Variants in GPM6A observed in about 807,000 individuals in gnomAD.
The protein encoded by GPM6A is glycoprotein M6A, also known as neuronal membrane glycoprotein M6-a.
In GPM6A, 7 loss-of-function variants were observed where a neutral mutation model predicts 32.1. The observed-to-expected ratio is 0.22, with a 90% CI of 0.12 to 0.41. GPM6A has a LOEUF of 0.41. GPM6A is among the 10% of genes least tolerant of loss of function. GPM6A has a pLI of 1.00. For synonymous variants in GPM6A, 130 were observed against 123.4 expected (o/e 1.05, Z -0.35); for missense variants, 235 against 347.2 (o/e 0.68, Z 2.57).
intron 3 of GPM6A, among the ~76,000 whole-genome samples, chr4:175,658,487 T>C (rs554039608): frequency 6.6e-6 from 1 of 152,264 alleles, no homozygotes; most frequent in African/African-American, 2.4e-5. Context: ...TGTATGAAAG[T>C]ATAATGGTGG....
At chr4:175,808,094 G>A (rs957083238) in intron 1 of GPM6A, among the ~76,000 whole-genome samples, 1 of 151,922 alleles carries the variant, frequency 6.6e-6, no homozygotes, top group African/African-American at 2.4e-5. Context: ...TCTTTTTTTC[G>A]TTGATTATAG....
rs140884991 is a variant in GPM6A, at chr4:175,722,081, G to A, written c.38-20314C>T. On this transcript the variant is annotated intron_variant, in intron 1 of 6. Transcript: ENST00000393658. Reference sequence around the variant, plus strand: ...GCAGGAGAATTGCTTGAGTCCAGGAGTTTGAGACCAGCCCGGGCAACAAAA... The same window carrying A: ...GCAGGAGAATTGCTTGAGTCCAGGAATTTGAGACCAGCCCGGGCAACAAAA... Among the ~76,000 whole-genome samples the A allele has an allele frequency of 3.9e-5, 6 of 152,220 alleles. No homozygotes were observed. The East Asian group carries it at 1.2e-3, about 29-fold the overall frequency.
At chr4:175,795,710 C>A (rs1045104700) in intron 1 of GPM6A, 3 of 152,194 alleles carry the variant, frequency 2.0e-5, no homozygotes, top group Non-Finnish European at 4.4e-5. Flanking sequence ...ATAATCATTA[C>A]TTTACTCCAG....
At chr4:175,694,227 C>T (rs747599376) in intron 2 of GPM6A, among the ~76,000 whole-genome samples, 22 of 152,124 alleles carry the variant, frequency 1.4e-4, no homozygotes, top group Non-Finnish European at 2.8e-4. Flanking sequence ...AAGAGTGGGG[C>T]ATTGCTATAA....
intron 1 of GPM6A, among the ~76,000 whole-genome samples, chr4:175,993,833 CAG>C (rs1177258327): frequency 6.6e-6 from 1 of 152,098 alleles, no homozygotes; most frequent in African/African-American, 2.4e-5. Flanking sequence ...ATACCAGACA[CAG>C]AGAGACATAA....
chr4:175,689,316 T>C (rs1241091137), intron 2 of GPM6A, among the ~76,000 whole-genome samples: 1 of 152,220 alleles, frequency 6.6e-6, no homozygotes. Flanking sequence ...ATTTTAACAA[T>C]ATTAAGTTTT....
At chr4:175,849,112 T>A (rs1440435048) in intron 1 of GPM6A, among the ~76,000 whole-genome samples, 1 of 152,194 alleles carries the variant, frequency 6.6e-6, no homozygotes, top group Non-Finnish European at 1.5e-5. Context: ...TAAAAATGTT[T>A]CTTATCCAGA....
At chr4:175,723,773 C>A (rs1450874497) in intron 1 of GPM6A, among the ~76,000 whole-genome samples, 2 of 152,036 alleles carry the variant, frequency 1.3e-5, no homozygotes, top group Non-Finnish European at 2.9e-5. Context: ...TTTTACCAGA[C>A]AAATAAAAGA....
At chr4:175,767,611 C>A (rs1733024243) in intron 1 of GPM6A, among the ~76,000 whole-genome samples, 1 of 152,224 alleles carries the variant, frequency 6.6e-6, no homozygotes, top group African/African-American at 2.4e-5. Flanking sequence ...AGTAACTACA[C>A]ACCAATTGTG....
At chr4:175,818,333 T>C (rs1407684707) in intron 1 of GPM6A, among the ~76,000 whole-genome samples, 1 of 152,222 alleles carries the variant, frequency 6.6e-6, no homozygotes, top group Non-Finnish European at 1.5e-5. Flanking sequence ...TGGAAAGTGT[T>C]ATCCTCAGGC....
At chr4:175,865,540 T>C (rs1314173930) in intron 1 of GPM6A, among the ~76,000 whole-genome samples, 2 of 152,222 alleles carry the variant, frequency 1.3e-5, no homozygotes, top group Non-Finnish European at 2.9e-5. Flanking sequence ...CTTAACAATA[T>C]TGAGTTTTCC....
At chr4:175,826,576 G>C (rs1735446414) in intron 1 of GPM6A, among the ~76,000 whole-genome samples, 1 of 152,160 alleles carries the variant, frequency 6.6e-6, no homozygotes, top group African/African-American at 2.4e-5. Flanking sequence ...CGGAAAACTG[G>C]GGTGGTAGAA....
intron 6 of GPM6A, among the ~76,000 whole-genome samples, chr4:175,638,439 A>T (rs114464713): frequency 0.027 from 4,051 of 152,136 alleles, 190 homozygotes; most frequent in African/African-American, 0.093. Context: ...TACTTGAAAA[A>T]ATAATCTTCT....
At chr4:175,985,900 G>A (rs1740959158) in intron 1 of GPM6A, among the ~76,000 whole-genome samples, 1 of 152,008 alleles carries the variant, frequency 6.6e-6, no homozygotes, top group Non-Finnish European at 1.5e-5. Flanking sequence ...CCATCTCCCG[G>A]TTTTAAGTGA....
At chr4:175,945,050 T>G (rs1739545352) in intron 1 of GPM6A, among the ~76,000 whole-genome samples, 1 of 152,130 alleles carries the variant, frequency 6.6e-6, no homozygotes, top group African/African-American at 2.4e-5. Flanking sequence ...GTTTAAAAAG[T>G]AAGCCTTTTG....
In GPM6A at chr4:175,701,655, C is replaced by G. The variant is rs144181937; in HGVS notation, c.150G>C (p.Ala50=). ...VALFCGCGHE[A]LSGTVNILQT... is the part of the protein sequence containing the mutation. ...GCAGAATGTTGACAGTTCCAGAAAG[C>G]GCTTCATGACCGCAGCCACAGAACA... Residue 50 remains alanine, a synonymous_variant, in exon 2 of 7, where the codon GCG becomes GCC. Coordinates refer to ENST00000393658, the MANE Select transcript of GPM6A (RefSeq NM_201591.3). 1 of 1,613,886 alleles carries G rather than the reference C, an allele frequency of 6.2e-7. No individual in the cohort carries two copies. Among genetic ancestry groups the G allele is most frequent in the African/African-American group, 1.3e-5 (1 of 74,902 alleles).
chr4:175,980,779 G>A lies in GPM6A; in HGVS notation c.-23+21530C>T, dbSNP rs768099177. Among the ~76,000 whole-genome samples, 139 of 152,126 alleles carry A rather than the reference G, an allele frequency of 9.1e-4. 7 individuals are homozygous for A. The highest frequency in any genetic ancestry group is 2.1e-4 in the Non-Finnish European group (14 of 68,024). Reference sequence around the variant, plus strand: ...TGTACAGGTCACTTCTCAAGAGTTAGGAATCCTAAGGCTTCCTCTCAATCA... The same window carrying A: ...TGTACAGGTCACTTCTCAAGAGTTAAGAATCCTAAGGCTTCCTCTCAATCA... On this transcript the variant is annotated intron_variant, in intron 1 of 7. Coordinates refer to the GPM6A transcript ENST00000280187.
At chr4:175,761,382 G>A (rs561207758) in intron 1 of GPM6A, among the ~76,000 whole-genome samples, 21 of 152,108 alleles carry the variant, frequency 1.4e-4, no homozygotes, top group Admixed American at 3.9e-4. Context: ...ATGAGCCACC[G>A]GGCCCAGCCT....
At chr4:175,809,832 G>T (rs1734847182) in intron 1 of GPM6A, among the ~76,000 whole-genome samples, 1 of 152,052 alleles carries the variant, frequency 6.6e-6, no homozygotes, top group Admixed American at 6.6e-5. Flanking sequence ...ATAGCAAATT[G>T]CAATTAATTA....
Sources: gnomAD v4.1 joint callset for allele counts (sites outside exome capture counted in the v4.1 genomes callset) on GRCh38, gnomAD v4.1.1 for gene constraint, MANE v1.5 for transcripts, NCBI Gene and HGNC (gene_info 2026-07-23, HGNC 2026-07-21) for gene names.